KIF3B: variants seen among roughly 807,000 people sequenced by gnomAD.
KIF3B encodes the protein kinesin-like protein KIF3B.
KIF3B carries 38 observed loss-of-function variants against 74.3 expected under a neutral mutation model. The ratio of observed to expected loss-of-function variants is 0.51; its 90% confidence interval spans 0.39 to 0.67. The LOEUF is 0.67. Ranked by LOEUF, KIF3B falls within the 30% of genes least tolerant of loss-of-function variation. The pLI, the probability that KIF3B is intolerant of heterozygous loss-of-function variation, is 0.00. For missense variants in KIF3B, 649 were observed against 932.0 expected (o/e 0.70, Z 3.95); for synonymous variants, 326 against 342.5 (o/e 0.95, Z 0.53).
intron 5 of KIF3B, among the ~76,000 whole-genome samples, chr20:32,325,650 TCTC>T (rs1600439204): frequency 1.8e-5 from 2 of 112,760 alleles, no homozygotes; most frequent in East Asian, 9.4e-4. Flanking sequence ...TCTCTCTCTC[TCTC>T]TCTTTTTTTT....
intron 5 of KIF3B, among the ~76,000 whole-genome samples, chr20:32,324,829 G>A (rs113568029): frequency 0.031 from 4,692 of 152,218 alleles, 270 homozygotes; most frequent in African/African-American, 0.11. Flanking sequence ...AGGAGCTCAA[G>A]ACCAGCCTGG....
At chr20:32,283,450 G>A (rs1288064443) in intron 1 of KIF3B, among the ~76,000 whole-genome samples, 1 of 151,822 alleles carries the variant, frequency 6.6e-6, no homozygotes, top group Non-Finnish European at 1.5e-5. Context: ...GTTGCAGTGA[G>A]CTGAGATCGC....
intron 7 of KIF3B, among the ~76,000 whole-genome samples, chr20:32,328,947 G>A (rs550590930): frequency 1.5e-3 from 224 of 152,118 alleles, no homozygotes; most frequent in African/African-American, 4.6e-3. Flanking sequence ...TCGCTCTGTC[G>A]CCCAGGCTGG....
At chr20:32,304,795 CAGAGAGAGAGAGAGAG>C (rs34339038) in intron 1 of KIF3B, among the ~76,000 whole-genome samples, 2 of 147,042 alleles carry the variant, frequency 1.4e-5, no homozygotes, top group African/African-American at 5.0e-5. Flanking sequence ...GAGCAGGTCA[CAGAGAGAGAGAGAGAG>C]AGAGAGAGAG....
intron 1 of KIF3B, among the ~76,000 whole-genome samples, chr20:32,280,382 C>T (rs2047636508): frequency 6.6e-6 from 1 of 151,906 alleles, no homozygotes. Flanking sequence ...ACAGTTGGCC[C>T]CAGGAACCTG....
At chr20:32,312,307 G>A (rs1392639473) in intron 2 of KIF3B, among the ~76,000 whole-genome samples, 1 of 151,686 alleles carries the variant, frequency 6.6e-6, no homozygotes, top group Non-Finnish European at 1.5e-5. Context: ...GTCTCACTAT[G>A]TTGTTCAGGC....
At chr20:32,288,703 A>G (rs1351803607) in intron 1 of KIF3B, among the ~76,000 whole-genome samples, 1 of 151,964 alleles carries the variant, frequency 6.6e-6, no homozygotes, top group Non-Finnish European at 1.5e-5. Flanking sequence ...TTAACTGGAA[A>G]CATTTTATGT....
At position 32,333,658 on chromosome 20, in the gene KIF3B, A is replaced by AC. The variant is rs2047941955; in HGVS notation, c.*2340dup. The AC allele has an allele frequency of 6.8e-6, 1 of 146,222 alleles. No homozygotes were observed. The highest frequency in any genetic ancestry group is 6.9e-5 in the Admixed American group (1 of 14,512). The allele number at this position is 146,222 out of a possible 1,614,324, so 9.1% of individuals were successfully genotyped here. ...AAAAAAAAAAAAAAAAAAAAAAAAA[A>AC]CAGAAAGAAAGAAAAAGAAAACTGC... On this transcript the variant is annotated 3_prime_UTR_variant, in exon 9 of 9. Coordinates refer to ENST00000375712, the MANE Select transcript of KIF3B (RefSeq NM_004798.4).
chr20:32,278,329 CAAGTT>C (rs1295422757), intron 1 of KIF3B, among the ~76,000 whole-genome samples: 1 of 151,864 alleles, frequency 6.6e-6, no homozygotes, highest in East Asian at 1.9e-4. Flanking sequence ...TGGCCCTGGG[CAAGTT>C]AATTTCTCTG....
At chr20:32,316,076 G>A (rs2047825831) in intron 2 of KIF3B, 142 bp from the exon 3 acceptor site, 1 of 640,916 alleles carries the variant, frequency 1.6e-6, no homozygotes, top group African/African-American at 1.8e-5. Flanking sequence ...GATGGGCACA[G>A]CTGAGCACAG....
intron 5 of KIF3B, among the ~76,000 whole-genome samples, chr20:32,319,339 A>G (rs2047845259): frequency 6.6e-6 from 1 of 151,532 alleles, no homozygotes; most frequent in South Asian, 2.1e-4. Context: ...ATGGTACTTC[A>G]TTATAGTTTT....
intron 1 of KIF3B, among the ~76,000 whole-genome samples, chr20:32,286,582 C>T (rs1352660169): frequency 2.6e-5 from 4 of 151,810 alleles, no homozygotes; most frequent in East Asian, 1.9e-4. Flanking sequence ...TAATTTTTTC[C>T]GATTATAAAA....
intron 1 of KIF3B, among the ~76,000 whole-genome samples, chr20:32,286,989 T>G (rs566801577): frequency 2.6e-5 from 4 of 152,204 alleles, no homozygotes; most frequent in Non-Finnish European, 5.9e-5. Context: ...CAGACAGAAT[T>G]ACAATTTGGT....
chr20:32,321,205 G>A (rs1346998160), intron 5 of KIF3B, among the ~76,000 whole-genome samples: 1 of 152,014 alleles, frequency 6.6e-6, no homozygotes, highest in Non-Finnish European at 1.5e-5. Flanking sequence ...GAGGTGGGTG[G>A]ATCACCTGAG....
At position 32,299,379 on chromosome 20, in the gene KIF3B, G is replaced by GTATA. The variant is rs1555895040; in HGVS notation, c.-65-10312_-65-10309dup. On this transcript the variant is annotated intron_variant, in intron 1 of 8. Transcript: ENST00000375712. ...CTTGTAACTACTGAATGGTGTGTGT[G>GTATA]TATATATATATATATATATATATAT... is the stretch of plus-strand genomic sequence containing the variant. Among the ~76,000 whole-genome samples, 148 of 23,032 alleles carry GTATA rather than the reference G, an allele frequency of 6.4e-3. 1 individual carries two copies. The highest frequency in any genetic ancestry group is 7.8e-3 in the South Asian group (5 of 644). 15.1% of individuals were successfully genotyped at this position (23,032 alleles called of 152,430 possible).
At chr20:32,318,056 A>G (rs1315069015) in intron 5 of KIF3B, among the ~76,000 whole-genome samples, 1 of 152,112 alleles carries the variant, frequency 6.6e-6, no homozygotes. Flanking sequence ...TAATCCCAGC[A>G]TTTGGGAGGC....
chr20:32,288,620 T>C (rs1424683558), intron 1 of KIF3B, among the ~76,000 whole-genome samples: 1 of 152,216 alleles, frequency 6.6e-6, no homozygotes, highest in Non-Finnish European at 1.5e-5. Flanking sequence ...GAATTCCCTG[T>C]GAGTAGGACC....
intron 1 of KIF3B, among the ~76,000 whole-genome samples, chr20:32,287,092 A>G (rs997857984): frequency 1.3e-5 from 2 of 152,208 alleles, no homozygotes; most frequent in Admixed American, 6.5e-5. Flanking sequence ...TATTCAAAGC[A>G]TATTTCCCAT....
intron 1 of KIF3B, among the ~76,000 whole-genome samples, chr20:32,294,225 C>T (rs1215586208): frequency 6.6e-6 from 1 of 152,178 alleles, no homozygotes; most frequent in Non-Finnish European, 1.5e-5. Context: ...TTTCTTCTTT[C>T]CCTGCCTAAA....
Sources: gnomAD v4.1 joint callset for allele counts (sites outside exome capture counted in the v4.1 genomes callset) on GRCh38, gnomAD v4.1.1 for gene constraint, MANE v1.5 for transcripts, NCBI Gene and HGNC (gene_info 2026-07-23, HGNC 2026-07-21) for gene names.